The following CERT1 variants were observed in gnomAD, a reference collection of about 807,000 sequenced individuals.
The protein encoded by CERT1 is ceramide transporter 1, also known as ceramide transfer protein.
In CERT1, 31 loss-of-function variants were observed where a neutral mutation model predicts 87.9. That is an observed-to-expected ratio of 0.35 (90% CI 0.27 to 0.48). CERT1 has a LOEUF of 0.48. CERT1 is among the 20% of genes least tolerant of loss of function. The pLI is 0.99. For synonymous variants in CERT1, 289 were observed against 250.9 expected (o/e 1.15, Z -1.44); for missense variants, 487 against 758.0 (o/e 0.64, Z 4.20).
At chr5:75,417,664 C>T (rs553243168) in intron 6 of CERT1, among the ~76,000 whole-genome samples, 37 of 152,132 alleles carry the variant, frequency 2.4e-4, no homozygotes, top group African/African-American at 7.7e-4. Context: ...ACTTTAAAAA[C>T]GATTAGAGAT....
Position 75,378,820 on chromosome 5 carries a change from T to G in CERT1, c.*526A>C, listed in dbSNP as rs1761433342. 6.6e-6 allele frequency: 1 copy of G among 152,240 alleles called. No individual in the cohort carries two copies. 9.4% of individuals were successfully genotyped at this position (152,240 alleles called of 1,614,324 possible). On this transcript the variant is annotated 3_prime_UTR_variant, in exon 17 of 17. Transcript: ENST00000643780. ...TTCTACAGTTCTATAATATCAAAAT[T>G]TCTTTACATAAGCATTAGAAGAAAA...
Position 75,400,228 on chromosome 5 carries a change from C to T in CERT1, c.1087G>A (p.Gly363Arg), listed in dbSNP as rs753312436. The change falls in exon 10 of 17, where the codon GGG becomes AGG. Residue 363 changes from glycine (G) to arginine (R), a missense_variant. Coordinates refer to ENST00000643780, the MANE Select transcript of CERT1 (RefSeq NM_001379029.1). ...ACCTTTTGGACAAATCTATGTGTCC[C>T]CACAGAAGAAAAGGCATCTCCAGAG... ...LPSGDAFSSVGTHRFVQKPYS... is the reference protein window; with the variant it reads ...LPSGDAFSSVRTHRFVQKPYS... 2.5e-6 allele frequency: 4 copies of T among 1,612,712 alleles called. No individual in the cohort carries two copies. The highest frequency in any genetic ancestry group is 3.4e-6 in the Non-Finnish European group (4 of 1,178,796).
intron 3 of CERT1, among the ~76,000 whole-genome samples, chr5:75,446,235 T>C (rs2112263113): frequency 6.6e-6 from 1 of 152,344 alleles, no homozygotes; most frequent in Non-Finnish European, 1.5e-5. Context: ...TCCGTTGTCC[T>C]ATATTTAAGT....
At chr5:75,464,806 G>A (rs2112332366) in intron 2 of CERT1, among the ~76,000 whole-genome samples, 1 of 152,194 alleles carries the variant, frequency 6.6e-6, no homozygotes, top group South Asian at 2.1e-4. Flanking sequence ...TCGAGCTCCT[G>A]GACTCACACA....
Position 75,389,628 on chromosome 5 carries a change from G to T in CERT1, c.1248C>A (p.Ala416=), listed in dbSNP as rs1487788202. 2 of 1,613,816 alleles carry T rather than the reference G, an allele frequency of 1.2e-6. No individual in the cohort carries two copies. Among genetic ancestry groups the T allele is most frequent in the African/African-American group, 2.7e-5 (2 of 74,888 alleles). The change falls in exon 12 of 17, where the codon GCC becomes GCA. Residue 416 remains alanine, a synonymous_variant. Transcript: ENST00000643780. The part of the protein sequence containing the change: ...TYSLQDVGGD[A]NWQLVVEEGE... ...CTTCTTCTACAACCAACTGCCAATT[G>T]GCATCTCCGCCTACATCCTGTAATG... is the stretch of plus-strand genomic sequence containing the variant.
intron 2 of CERT1, among the ~76,000 whole-genome samples, chr5:75,503,516 C>T (rs553038004): frequency 1.3e-5 from 2 of 151,722 alleles, no homozygotes; most frequent in Non-Finnish European, 3.0e-5. Flanking sequence ...TTTTAATTTC[C>T]TTTAAATATG....
Position 75,504,751 on chromosome 5 carries a change from C to CT in CERT1, c.231+1230dup, listed in dbSNP as rs558482615. Among the ~76,000 whole-genome samples, 785 of 131,532 alleles carry CT rather than the reference C, an allele frequency of 6.0e-3. 8 individuals are homozygous for CT. Among genetic ancestry groups the CT allele is most frequent in the African/African-American group, 0.017 (593 of 35,936 alleles). The allele number at this position is 131,532 out of a possible 152,430, so 86.3% of individuals were successfully genotyped here. ...TTTAACTGTCTGGCCTTAGCCAACA[C>CT]TTTTTTTTTTTTTTTTTTGGCCCAT... On this transcript the variant is annotated intron_variant, in intron 2 of 16. Coordinates refer to ENST00000643780, the MANE Select transcript of CERT1 (RefSeq NM_001379029.1).
At chr5:75,510,376 A>T (rs950009753) in intron 1 of CERT1, among the ~76,000 whole-genome samples, 11 of 152,212 alleles carry the variant, frequency 7.2e-5, no homozygotes, top group African/African-American at 2.7e-4. Flanking sequence ...ATTTTGATAC[A>T]GGGATTTTAA....
At chr5:75,395,581 G>C (rs1449315550) in intron 11 of CERT1, among the ~76,000 whole-genome samples, 2 of 130,766 alleles carry the variant, frequency 1.5e-5, no homozygotes, top group African/African-American at 6.4e-5. Context: ...AAAAAAAAAT[G>C]CTGGGCATGG....
intron 2 of CERT1, among the ~76,000 whole-genome samples, chr5:75,476,102 T>C (rs1765940262): frequency 6.6e-6 from 1 of 152,148 alleles, no homozygotes; most frequent in Non-Finnish European, 1.5e-5. Flanking sequence ...AAAACATCTG[T>C]CTCTATCAAT....
At chr5:75,440,160 G>C (rs1007455775) in intron 3 of CERT1, among the ~76,000 whole-genome samples, 2 of 152,058 alleles carry the variant, frequency 1.3e-5, no homozygotes, top group African/African-American at 4.8e-5. Context: ...GTCCCTTGCT[G>C]AACCAGATGG....
intron 3 of CERT1, among the ~76,000 whole-genome samples, chr5:75,435,738 G>A (rs911818693): frequency 6.6e-6 from 1 of 152,152 alleles, no homozygotes; most frequent in Admixed American, 6.5e-5. Flanking sequence ...ATCCTGGGGG[G>A]CTGAGACCAG....
chr5:75,420,485 A>G (rs1195063796), intron 5 of CERT1, among the ~76,000 whole-genome samples: 1 of 151,652 alleles, frequency 6.6e-6, no homozygotes, highest in Non-Finnish European at 1.5e-5. Flanking sequence ...CTGGGACTAC[A>G]GGCGCCTGCC....
chr5:75,410,937 A>G (rs1251675777), intron 8 of CERT1, 74 bp downstream of exon 8: 13 of 740,684 alleles, frequency 1.8e-5, no homozygotes, highest in Non-Finnish European at 2.7e-5. Flanking sequence ...AGGTTACAAG[A>G]GTATTATTAA....
chr5:75,452,598 T>A (rs1057389634), intron 3 of CERT1, among the ~76,000 whole-genome samples: 1 of 152,170 alleles, frequency 6.6e-6, no homozygotes, highest in South Asian at 2.1e-4. Context: ...TCCTATAATT[T>A]AAAAAAATAA....
At chr5:75,465,693 C>T (rs953612912) in intron 2 of CERT1, among the ~76,000 whole-genome samples, 2 of 152,212 alleles carry the variant, frequency 1.3e-5, no homozygotes, top group African/African-American at 4.8e-5. Flanking sequence ...GGACTGCTTC[C>T]ACTTCTGGAC....
rs915782364 is a variant in CERT1, at chr5:75,477,481, AAATC to A, written c.232-18304_232-18301del. Among the ~76,000 whole-genome samples, 75 of 152,114 alleles carry A rather than the reference AAATC, an allele frequency of 4.9e-4. 1 individual carries two copies. The highest frequency in any genetic ancestry group is 1.0e-4 in the Non-Finnish European group (7 of 67,982). On this transcript the variant is annotated intron_variant, in intron 2 of 16. Coordinates refer to ENST00000643780, the MANE Select transcript of CERT1 (RefSeq NM_001379029.1). ...AAAGACATGAACTATGATACTACCA[AAATC>A]TCCTCTGGCACAGTCTTTAAAACCT...
chr5:75,491,948 AT>A (rs930047943), intron 2 of CERT1, among the ~76,000 whole-genome samples: 3 of 152,056 alleles, frequency 2.0e-5, no homozygotes, highest in African/African-American at 7.2e-5. Context: ...TCTTACCTTT[AT>A]TTCTCTCTCC....
chr5:75,392,660 T>C (rs1428150621), intron 11 of CERT1, among the ~76,000 whole-genome samples: 1 of 152,130 alleles, frequency 6.6e-6, no homozygotes, highest in East Asian at 1.9e-4. Context: ...TGTTCAGTTA[T>C]GACACGACAT....
Sources: allele counts gnomAD v4.1 joint callset (sites outside exome capture counted in the v4.1 genomes callset), GRCh38; gene constraint gnomAD v4.1.1; transcripts MANE v1.5; gene names NCBI Gene and HGNC (gene_info 2026-07-23, HGNC 2026-07-21).